The following REXO1 variants were observed in gnomAD, a reference collection of about 807,000 sequenced individuals.
The protein encoded by REXO1 is RNA exonuclease 1 homolog, also known as REX1, RNA exonuclease 1 homolog.
REXO1 carries 42 observed loss-of-function variants against 102.6 expected under a neutral mutation model. The observed-to-expected ratio is 0.41, with a 90% CI of 0.32 to 0.53. The LOEUF is 0.53. Among genes scored for constraint, REXO1 ranks in the 20% least tolerant of loss-of-function variants. REXO1 has a pLI of 0.27. For missense variants in REXO1, 1,819 were observed against 1,732.5 expected (o/e 1.05, Z -0.89); for synonymous variants, 908 against 779.1 (o/e 1.17, Z -2.76).
rs73517101 is a variant in REXO1 at position 1,820,843 on chromosome 19, A to G, written c.2395-448T>C. On this transcript the variant is annotated intron_variant, in intron 5 of 15. Transcript: ENST00000170168. Reference sequence around the variant, plus strand: ...CCCTGTCTCTACAAAATAAAAAACAAAATTATTAGCTGGGGTGTGATGACA... The same window carrying G: ...CCCTGTCTCTACAAAATAAAAAACAGAATTATTAGCTGGGGTGTGATGACA... Among the ~76,000 whole-genome samples, 771 of 152,110 alleles carry G rather than the reference A, an allele frequency of 5.1e-3. 7 individuals carry two copies. Among genetic ancestry groups the G allele is most frequent in the African/African-American group, 0.017 (725 of 41,494 alleles).
Position 1,817,333 on chromosome 19 carries a change from G to C in REXO1, c.3091-4C>G, listed in dbSNP as rs763086043. 1 of 1,612,112 alleles carries C rather than the reference G, an allele frequency of 6.2e-7. No individual in the cohort carries two copies. Among genetic ancestry groups the C allele is most frequent in the Admixed American group, 1.7e-5 (1 of 60,012 alleles). On this transcript the variant is annotated splice_polypyrimidine_tract_variant and splice_region_variant and intron_variant, in intron 11 of 15. Coordinates refer to ENST00000170168, the MANE Select transcript of REXO1 (RefSeq NM_020695.4). ...TCCGGCCATCCTGCACGTGTTGCTGGGGGTGGAGAAGGCAGGTGAGGGCAG... is the reference window on the plus strand; with the variant it reads ...TCCGGCCATCCTGCACGTGTTGCTGCGGGTGGAGAAGGCAGGTGAGGGCAG...
intron 1 of REXO1, among the ~76,000 whole-genome samples, chr19:1,831,467 G>A (rs1040282816): frequency 1.3e-5 from 2 of 152,080 alleles, no homozygotes; most frequent in African/African-American, 2.4e-5. Context: ...TGTGGGCGAC[G>A]CAGAGAACAG....
chr19:1,843,415 G>A (rs1332585481), intron 1 of REXO1, among the ~76,000 whole-genome samples: 1 of 152,138 alleles, frequency 6.6e-6, no homozygotes, highest in African/African-American at 2.4e-5. Flanking sequence ...CAGCACCACC[G>A]CTGGTTGTCA....
intron 7 of REXO1, 34 bp from the exon 8 acceptor site, chr19:1,819,165 A>G: frequency 1.3e-6 from 2 of 1,510,672 alleles, no homozygotes; most frequent in Non-Finnish European, 1.8e-6. Flanking sequence ...GGAGGGTGTG[A>G]AGTAGCTGGC....
chr19:1,839,169 T>C (rs1352213597), intron 1 of REXO1, among the ~76,000 whole-genome samples: 2 of 150,090 alleles, frequency 1.3e-5, no homozygotes, highest in African/African-American at 4.9e-5. Flanking sequence ...GGCAAAAGTA[T>C]CACTTGAACC....
At chr19:1,833,297 T>G (rs2069954933) in intron 1 of REXO1, among the ~76,000 whole-genome samples, 1 of 152,194 alleles carries the variant, frequency 6.6e-6, no homozygotes, top group Non-Finnish European at 1.5e-5. Context: ...CACTCGGAAC[T>G]CCGCGGGACT....
In REXO1 at chr19:1,823,738, CGGG is replaced by C. The variant is rs1191394149; in HGVS notation, c.2061_2063del (p.Pro688del). ...GCAGGTAGCACACCTCCTGCGCCGTCGGGGGCCGGGCCGGGGGCACCGCGGGAC... is the reference window on the plus strand; with the variant it reads ...GCAGGTAGCACACCTCCTGCGCCGTCGGCCGGGCCGGGGGCACCGCGGGAC... On this transcript the variant is annotated inframe_deletion, in exon 4 of 16. Coordinates refer to ENST00000170168, the MANE Select transcript of REXO1 (RefSeq NM_020695.4). 1 of 1,263,406 alleles carries C rather than the reference CGGG, an allele frequency of 7.9e-7. No individual in the cohort carries two copies. The highest frequency in any genetic ancestry group is 3.0e-5 in the East Asian group (1 of 32,968). 78.3% of individuals were successfully genotyped at this position (1,263,406 alleles called of 1,614,324 possible). A position where few individuals can be genotyped will look rare whatever the true frequency, so the allele number is the denominator to read the frequency against.
At chr19:1,842,733 T>C (rs1215245729) in intron 1 of REXO1, among the ~76,000 whole-genome samples, 6 of 152,200 alleles carry the variant, frequency 3.9e-5, no homozygotes, top group African/African-American at 1.4e-4. Context: ...GTGTGGAGTC[T>C]GGAGGAGGCC....
intron 3 of REXO1, 154 bp from the exon 4 acceptor site, chr19:1,823,939 GC>G: frequency 2.5e-6 from 1 of 397,420 alleles, no homozygotes; most frequent in Non-Finnish European, 4.4e-6. Context: ...CTGGGGGGAA[GC>G]AGCAGGGGGC....
In REXO1 at chr19:1,827,449, C is replaced by T. The variant is rs1379141617; in HGVS notation, c.1340G>A (p.Gly447Glu). ...CGCTGGCCGGTCAGGCCTCCCTTTC[C>T]CTGAGGTGGCCACAGGAGTGGCCGA... ...PSSATPVATS[G>E]KGRPDRPARR... Residue 447 changes from glycine to glutamate, a missense_variant, in exon 2 of 16, where the codon GGG becomes GAG. By Grantham distance (98) the Gly-to-Glu change is moderately conservative. Transcript: ENST00000170168. 1 of 1,562,980 alleles carries T rather than the reference C, an allele frequency of 6.4e-7. No homozygotes were observed. The highest frequency in any genetic ancestry group is 2.0e-5 in the Admixed American group (1 of 48,798).
rs1443601179 is a variant in REXO1, at chr19:1,816,238, G to T, written c.3564C>A (p.Ile1188=). ...RNLMADYLRQ[I]IQDNVDGHSS... ...ACCGGCACTCACCATTGTCCTGGAT[G>T]ATCTGTCTGAGGTAGTCGGCCATGA... Residue 1188 remains isoleucine (I), a synonymous_variant, in exon 15 of 16, where the codon ATC becomes ATA. Coordinates refer to ENST00000170168, the MANE Select transcript of REXO1 (RefSeq NM_020695.4). The T allele has an allele frequency of 1.9e-6, 3 of 1,587,148 alleles. No homozygotes were observed. Among genetic ancestry groups the T allele is most frequent in the Non-Finnish European group, 2.6e-6 (3 of 1,166,748 alleles).
rs534249874 is a variant in REXO1 at position 1,831,912 on chromosome 19, C to G, written c.158-3281G>C. ...AAAAAGAAATGGCTGGTTTCCCAAGCTGCTCCCCCGAGACACACCCACCAG... is the reference window on the plus strand; with the variant it reads ...AAAAAGAAATGGCTGGTTTCCCAAGGTGCTCCCCCGAGACACACCCACCAG... On this transcript the variant is annotated intron_variant, in intron 1 of 15. Transcript: ENST00000170168. Among the ~76,000 whole-genome samples the G allele has an allele frequency of 8.6e-5, 13 of 151,044 alleles. No individual in the cohort carries two copies. In the East Asian group the frequency reaches 2.3e-3, roughly 27 times the overall value.
Position 1,827,523 on chromosome 19 carries a change from G to A in REXO1, c.1266C>T (p.Ser422=), listed in dbSNP as rs1403322810. The change falls in exon 2 of 16, where the codon AGC becomes AGT. Residue 422 remains serine, a synonymous_variant. Transcript: ENST00000170168. ...CCGGCCGCTCTGCCTTGCGCCGGGGGCTGCTGGCCTGCGGGCCCTTCTTGT... is the reference window on the plus strand; with the variant it reads ...CCGGCCGCTCTGCCTTGCGCCGGGGACTGCTGGCCTGCGGGCCCTTCTTGT... ...RADKKGPQAS[S]PRRKAERPEG... 4 of 1,582,978 alleles carry A rather than the reference G, an allele frequency of 2.5e-6. No homozygotes were observed. In the Admixed American group the frequency reaches 6.0e-5, roughly 24 times the overall value.
At chr19:1,830,255 T>C (rs982686908) in intron 1 of REXO1, among the ~76,000 whole-genome samples, 3 of 152,196 alleles carry the variant, frequency 2.0e-5, no homozygotes, top group African/African-American at 7.2e-5. Context: ...ACGCCGATCA[T>C]CTCAGCACTT....
chr19:1,838,838 C>T (rs1418311714), intron 1 of REXO1, among the ~76,000 whole-genome samples: 1 of 152,134 alleles, frequency 6.6e-6, no homozygotes, highest in African/African-American at 2.4e-5. Flanking sequence ...CAGCTCTCAG[C>T]CGGGCACGGT....
chr19:1,815,982 G>A lies in REXO1; in HGVS notation c.*84C>T. ...CCTCGGCCAGGTGGACGGGTTACCG[G>A]AGATTTATTGCACTGTTTTGGAAGA... On this transcript the variant is annotated 3_prime_UTR_variant, in exon 16 of 16. Transcript: ENST00000170168. The surrounding 1 kb of genome is among the most constrained non-coding windows in gnomAD (Gnocchi z 4.0). 2.0e-6 allele frequency: 3 copies of A among 1,536,064 alleles called. No homozygotes were observed. Among genetic ancestry groups the A allele is most frequent in the Non-Finnish European group, 2.6e-6 (3 of 1,146,716 alleles).
chr19:1,838,389 C>T (rs911555459), intron 1 of REXO1, among the ~76,000 whole-genome samples: 7 of 151,154 alleles, frequency 4.6e-5, no homozygotes, highest in African/African-American at 9.7e-5. Flanking sequence ...AAAGTCGAAG[C>T]GGGCGGATCA....
chr19:1,820,025 G>A lies in REXO1; in HGVS notation c.2559C>T (p.Arg853=). ...ALNEEKVAYD[R]SPSKNIYLNV... is the part of the protein sequence containing the mutation. Reference sequence around the variant, plus strand: ...TCAGGTAGATGTTCTTGCTGGGGCTGCGGTCATAGGCCACCTTCTCCTCGT... The same window carrying A: ...TCAGGTAGATGTTCTTGCTGGGGCTACGGTCATAGGCCACCTTCTCCTCGT... The change falls in exon 7 of 16, where the codon CGC becomes CGT. Residue 853 remains arginine, a synonymous_variant. Coordinates refer to ENST00000170168, the MANE Select transcript of REXO1 (RefSeq NM_020695.4). 1 of 1,603,632 alleles carries A rather than the reference G, an allele frequency of 6.2e-7. No homozygotes were observed. Among genetic ancestry groups the A allele is most frequent in the Non-Finnish European group, 8.5e-7 (1 of 1,177,252 alleles).
rs1442489091 is a variant in REXO1 at position 1,819,069 on chromosome 19, T to A, written c.2713A>T (p.Thr905Ser). Residue 905 changes from threonine to serine, a missense_variant, in exon 8 of 16, where the codon ACC becomes TCC. Thr to Ser is a moderately conservative substitution (Grantham distance 58). Transcript: ENST00000170168. ...VVLGGRLAAK[T>S]SFSLSRPSSP... ...CTTGGACGGCTGAGCGAGAAGCTGG[T>A]CTTGGCGGCCAACCTGCCCCCCAAC... The A allele has an allele frequency of 6.2e-7, 1 of 1,600,982 alleles. No individual in the cohort carries two copies. Among genetic ancestry groups the A allele is most frequent in the Non-Finnish European group, 8.5e-7 (1 of 1,172,836 alleles).
Sources: allele counts gnomAD v4.1 joint callset (sites outside exome capture counted in the v4.1 genomes callset), GRCh38; gene constraint gnomAD v4.1.1; non-coding constraint Gnocchi (gnomAD v3.1); transcripts MANE v1.5; gene names NCBI Gene and HGNC (gene_info 2026-07-23, HGNC 2026-07-21).